The following ANKUB1 variants were observed in gnomAD, a reference collection of about 807,000 sequenced individuals.
ANKUB1 encodes protein ANKUB1.
In ANKUB1, 42 loss-of-function variants were observed where a neutral mutation model predicts 49.3. That is an observed-to-expected ratio of 0.85 (90% CI 0.67 to 1.10). The LOEUF (loss-of-function observed/expected upper bound fraction) is 1.10, where lower values mean the gene tolerates loss of function less well. Among genes scored for constraint, ANKUB1 ranks in the 50% least tolerant of loss-of-function variants. The probability of loss-of-function intolerance (pLI) is 0.00; values close to 1 mark genes in which losing one functional copy is unlikely to be tolerated. For synonymous variants in ANKUB1, 222 were observed against 231.0 expected (o/e 0.96, Z 0.35); for missense variants, 613 against 642.0 (o/e 0.95, Z 0.49).
In ANKUB1 at chr3:149,776,602, A is replaced by G. The variant is rs963953428; in HGVS notation, c.451+3637T>C. On this transcript the variant is annotated intron_variant, in intron 3 of 5. Coordinates refer to ENST00000446160, the MANE Select transcript of ANKUB1 (RefSeq NM_001144960.3). ...ATCTAAAGCTTAAAACCCAGAAAAT[A>G]GCTCCTTTCCTCAATTTCCCCACCA... Among the ~76,000 whole-genome samples, 5 of 152,326 alleles carry G rather than the reference A, an allele frequency of 3.3e-5. No homozygotes were observed. In the South Asian group the frequency reaches 6.2e-4, roughly 19 times the overall value.
chr3:149,770,713 C>T, intron 3 of ANKUB1, 39 bp from the exon 4 acceptor site: 1 of 1,308,558 alleles, frequency 7.6e-7, no homozygotes, highest in South Asian at 1.4e-5. Context: ...TCCAGTCCAG[C>T]AGTGTGGTTT....
In ANKUB1 at chr3:149,763,165, G is replaced by A. The variant is rs568636014; in HGVS notation, c.1506-1552C>T. Among the ~76,000 whole-genome samples the A allele has an allele frequency of 1.6e-4, 24 of 152,250 alleles. No individual in the cohort carries two copies. In the South Asian group the frequency reaches 3.1e-3, roughly 20 times the overall value. ...TGTCTTTCTGTGCCCTCTAAACTGA[G>A]TTAACCCATCCATGCAGCCCATAAA... is the stretch of plus-strand genomic sequence containing the variant. On this transcript the variant is annotated intron_variant, in intron 5 of 5. Transcript: ENST00000446160.
At chr3:149,761,938 C>T (rs1364888495) in intron 5 of ANKUB1, among the ~76,000 whole-genome samples, 2 of 152,120 alleles carry the variant, frequency 1.3e-5, no homozygotes, top group African/African-American at 4.8e-5. Context: ...CCCTGGCCTC[C>T]TCTTTTCTCC....
intron 3 of ANKUB1, among the ~76,000 whole-genome samples, chr3:149,774,021 T>TTACTG (rs1452589955): frequency 1.3e-5 from 2 of 152,176 alleles, no homozygotes; most frequent in Admixed American, 6.6e-5. Flanking sequence ...TGTAGGTCAG[T>TTACTG]AACTCAGAGG....
intron 2 of ANKUB1, among the ~76,000 whole-genome samples, chr3:149,784,747 G>A (rs1464167962): frequency 1.3e-5 from 2 of 152,210 alleles, no homozygotes; most frequent in East Asian, 3.8e-4. Flanking sequence ...ATACTGGGGA[G>A]TGCTTTGCCC....
chr3:149,790,890 T>C lies in ANKUB1; in HGVS notation c.125A>G (p.Gln42Arg), dbSNP rs1718329461. ...YFHIPLSEDK[Q>R]GRRYLELMYA... is the part of the protein sequence containing the mutation. The stretch of plus-strand genomic sequence containing the variant: ...CATTAACTCCAGATACCGCCTGCCT[T>C]GTTTGTCTTCAGAGAGAGGAATGTG... Residue 42 changes from glutamine to arginine, a missense_variant, in exon 2 of 6, where the codon CAA becomes CGA. Coordinates refer to ENST00000446160, the MANE Select transcript of ANKUB1 (RefSeq NM_001144960.3). 6.4e-6 allele frequency: 10 copies of C among 1,552,122 alleles called. No homozygotes were observed. Among genetic ancestry groups the C allele is most frequent in the Non-Finnish European group, 7.8e-6 (9 of 1,147,054 alleles).
Position 149,792,190 on chromosome 3 carries a change from T to C in ANKUB1, c.90+87A>G, listed in dbSNP as rs555630046. The C allele has an allele frequency of 6.9e-6, 6 of 863,370 alleles. No individual in the cohort carries two copies. The East Asian group carries it at 2.0e-4, about 28-fold the overall frequency. The allele number at this position is 863,370 out of a possible 1,614,324, so 53.5% of individuals were successfully genotyped here. A position where few individuals can be genotyped will look rare whatever the true frequency, so the allele number is the denominator to read the frequency against. On this transcript the variant is annotated intron_variant, in intron 1 of 5. Coordinates refer to ENST00000446160, the MANE Select transcript of ANKUB1 (RefSeq NM_001144960.3). The stretch of plus-strand genomic sequence containing the variant: ...CCCTGTTTGCTGAAAATGTACCCAA[T>C]AGCATCTCTACCCTTTGTACATTTT...
At chr3:149,771,092 T>G (rs899270878) in intron 3 of ANKUB1, among the ~76,000 whole-genome samples, 2 of 152,240 alleles carry the variant, frequency 1.3e-5, no homozygotes, top group Non-Finnish European at 2.9e-5. Context: ...AGTGGAAAGA[T>G]GCTCACCAGC....
intron 3 of ANKUB1, among the ~76,000 whole-genome samples, chr3:149,772,196 T>C (rs924724794): frequency 6.6e-6 from 1 of 152,132 alleles, no homozygotes; most frequent in Non-Finnish European, 1.5e-5. Context: ...TTTTTTTGTA[T>C]GTTTAGTAGA....
intron 5 of ANKUB1, among the ~76,000 whole-genome samples, chr3:149,765,746 T>C (rs1263336120): frequency 6.6e-6 from 1 of 152,224 alleles, no homozygotes; most frequent in African/African-American, 2.4e-5. Context: ...GACTATGTAG[T>C]TTTTTCAATT....
At chr3:149,791,026 ATTGT>A in intron 1 of ANKUB1, 102 bp from the exon 2 acceptor site, 1 of 1,199,274 alleles carries the variant, frequency 8.3e-7, no homozygotes. Flanking sequence ...GGGCATTATA[ATTGT>A]TTGGGACAAA....
In ANKUB1 at chr3:149,767,379, T is replaced by C. The variant is rs1181634586; in HGVS notation, c.1283A>G (p.Lys428Arg). 5 of 1,550,870 alleles carry C rather than the reference T, an allele frequency of 3.2e-6. No individual in the cohort carries two copies. The Admixed American group carries it at 5.9e-5, about 18-fold the overall frequency. Residue 428 changes from lysine to arginine, a missense_variant, in exon 5 of 6, where the codon AAA becomes AGA. Coordinates refer to ENST00000446160, the MANE Select transcript of ANKUB1 (RefSeq NM_001144960.3). Reference protein sequence around the residue: ...ELQKHQQQNQKKITATARKKE... With the variant: ...ELQKHQQQNQRKITATARKKE... Reference sequence around the variant, plus strand: ...TTTCCTAGCTGTGGCAGTAATTTTTTTCTGATTTTGTTGTTGATGTTTTTG... The same window carrying C: ...TTTCCTAGCTGTGGCAGTAATTTTTCTCTGATTTTGTTGTTGATGTTTTTG...
chr3:149,772,756 C>G (rs999126819), intron 3 of ANKUB1, among the ~76,000 whole-genome samples: 12 of 152,166 alleles, frequency 7.9e-5, no homozygotes, highest in Admixed American at 7.9e-4. Context: ...ATGGTGGACA[C>G]TCAGTAAGTA....
intron 2 of ANKUB1, among the ~76,000 whole-genome samples, chr3:149,789,074 A>G (rs898351673): frequency 6.6e-6 from 1 of 152,132 alleles, no homozygotes; most frequent in African/African-American, 2.4e-5. Context: ...ACACCTGGCC[A>G]GGATACTTTT....
rs1166619350 is a variant in ANKUB1 at position 149,767,646 on chromosome 3, A to G, written c.1016T>C (p.Phe339Ser). The G allele has an allele frequency of 6.4e-7, 1 of 1,551,632 alleles. No individual in the cohort carries two copies. The highest frequency in any genetic ancestry group is 1.2e-5 in the South Asian group (1 of 84,060). ...HKSQFCGARV[F>S]GAKVGDTVMV... ...CACAGTGTCTCCAACTTTTGCCCCA[A>G]AGACCCTTGCTCCACAAAACTGGCT... The change falls in exon 5 of 6, where the codon TTT (phenylalanine) becomes TCT (serine). Residue 339 changes from phenylalanine (F) to serine (S), a missense_variant. Physicochemically the swap from Phe to Ser is radical, Grantham distance 155. Coordinates refer to ENST00000446160, the MANE Select transcript of ANKUB1 (RefSeq NM_001144960.3).
intron 3 of ANKUB1, among the ~76,000 whole-genome samples, chr3:149,773,324 G>T (rs1382336121): frequency 6.6e-6 from 1 of 152,126 alleles, no homozygotes; most frequent in Non-Finnish European, 1.5e-5. Flanking sequence ...CCTTGGACTT[G>T]CTATTCTTTG....
At chr3:149,789,165 T>C (rs1718245385) in intron 2 of ANKUB1, among the ~76,000 whole-genome samples, 1 of 152,190 alleles carries the variant, frequency 6.6e-6, no homozygotes, top group South Asian at 2.1e-4. Flanking sequence ...TAAAATGTTA[T>C]ATAATAAAAA....
chr3:149,761,720 G>C, intron 5 of ANKUB1, 107 bp from the exon 6 acceptor site: 1 of 1,264,854 alleles, frequency 7.9e-7, no homozygotes, highest in Non-Finnish European at 1.1e-6. Context: ...GGGCTAGTTT[G>C]TCTTGTCACA....
intron 2 of ANKUB1, among the ~76,000 whole-genome samples, chr3:149,789,538 AT>A (rs1718263797): frequency 1.3e-5 from 2 of 152,208 alleles, no homozygotes; most frequent in African/African-American, 4.8e-5. Flanking sequence ...ACGTATGTAA[AT>A]ATGGTCTTTT....
Sources: gnomAD v4.1 joint callset for allele counts (sites outside exome capture counted in the v4.1 genomes callset) on GRCh38, gnomAD v4.1.1 for gene constraint, MANE v1.5 for transcripts, NCBI Gene and HGNC (gene_info 2026-07-23, HGNC 2026-07-21) for gene names.